RANBP17: variants seen among roughly 807,000 people sequenced by gnomAD.
The protein encoded by RANBP17 is ran-binding protein 17.
Under a neutral mutation model 141.2 loss-of-function variants are expected in RANBP17, and 158 were observed. The ratio of observed to expected loss-of-function variants is 1.12; its 90% CI spans 0.98 to 1.28. RANBP17 has a LOEUF of 1.28. RANBP17 is among the 50% of genes most tolerant of loss of function. The probability of loss-of-function intolerance (pLI) is 0.00; values close to 1 mark genes in which losing one functional copy is unlikely to be tolerated. For synonymous variants in RANBP17, 430 were observed against 450.0 expected (o/e 0.96, Z 0.56); for missense variants, 1,438 against 1,290.7 (o/e 1.11, Z -1.75).
intron 14 of RANBP17, among the ~76,000 whole-genome samples, chr5:171,121,441 G>T (rs965360132): frequency 1.3e-5 from 2 of 152,310 alleles, no homozygotes; most frequent in Middle Eastern, 6.8e-3. Context: ...CAGGGCCGTC[G>T]CGCAGGTCAG....
chr5:171,021,265 C>T (rs913336109), intron 14 of RANBP17, among the ~76,000 whole-genome samples: 1 of 152,118 alleles, frequency 6.6e-6, no homozygotes, highest in African/African-American at 2.4e-5. Context: ...CTGCTCTTCT[C>T]AAGGAGTGTG....
intron 14 of RANBP17, among the ~76,000 whole-genome samples, chr5:171,132,176 T>C (rs1309441960): frequency 2.9e-4 from 44 of 152,098 alleles, no homozygotes; most frequent in Admixed American, 2.9e-3. Context: ...GGAAAGACAC[T>C]TTTAATTGTC....
At chr5:171,051,866 A>C (rs1390326978) in intron 14 of RANBP17, among the ~76,000 whole-genome samples, 1 of 152,156 alleles carries the variant, frequency 6.6e-6, no homozygotes, top group Non-Finnish European at 1.5e-5. Flanking sequence ...AAAAGAGTTT[A>C]TCTTTCTCCA....
intron 14 of RANBP17, among the ~76,000 whole-genome samples, chr5:171,102,938 CA>C (rs1554098388): frequency 6.6e-6 from 1 of 152,174 alleles, no homozygotes; most frequent in Non-Finnish European, 1.5e-5. Context: ...GGCTACACAA[CA>C]GCAAAGATTG....
chr5:171,087,472 T>C (rs1581598972), intron 14 of RANBP17, among the ~76,000 whole-genome samples: 1 of 151,384 alleles, frequency 6.6e-6, no homozygotes, highest in East Asian at 2.0e-4. Context: ...TGTAGATGTC[T>C]ATTAGGTCTG....
intron 14 of RANBP17, among the ~76,000 whole-genome samples, chr5:171,029,949 G>A (rs1781453547): frequency 6.6e-6 from 1 of 151,990 alleles, no homozygotes; most frequent in Non-Finnish European, 1.5e-5. Flanking sequence ...GAAAAAAACA[G>A]AAGTAGTACT....
chr5:171,200,910 G>C (rs1397721970), intron 19 of RANBP17, among the ~76,000 whole-genome samples: 1 of 152,172 alleles, frequency 6.6e-6, no homozygotes, highest in African/African-American at 2.4e-5. Context: ...TGTGTTTATA[G>C]TCTTCCTGAA....
At chr5:171,010,364 C>G (rs1461550178) in intron 14 of RANBP17, among the ~76,000 whole-genome samples, 1 of 152,136 alleles carries the variant, frequency 6.6e-6, no homozygotes, top group Admixed American at 6.5e-5. Context: ...CAAAGCCAAA[C>G]TGAAATAGCT....
At chr5:171,210,663 A>G (rs1013227454) in intron 20 of RANBP17, among the ~76,000 whole-genome samples, 25 of 152,154 alleles carry the variant, frequency 1.6e-4, no homozygotes, top group Admixed American at 1.2e-3. Context: ...AAGCATCCCT[A>G]TTATATGTTG....
chr5:171,203,623 G>A (rs1762421768), intron 19 of RANBP17, among the ~76,000 whole-genome samples: 1 of 151,880 alleles, frequency 6.6e-6, no homozygotes, highest in East Asian at 1.9e-4. Flanking sequence ...ATAGATTTGA[G>A]TCCTATAGAC....
intron 18 of RANBP17, among the ~76,000 whole-genome samples, chr5:171,196,904 C>T (rs776871167): frequency 2.0e-5 from 3 of 152,016 alleles, no homozygotes; most frequent in Non-Finnish European, 2.9e-5. Context: ...ATCCTCCTAC[C>T]CCAGCTTCCA....
chr5:171,286,808 A>G (rs1210417327), intron 25 of RANBP17, among the ~76,000 whole-genome samples: 1 of 152,212 alleles, frequency 6.6e-6, no homozygotes, highest in African/African-American at 2.4e-5. Flanking sequence ...TTTCTCTTTC[A>G]GTAGCACTCA....
chr5:170,902,579 T>G (rs370411950), intron 5 of RANBP17, among the ~76,000 whole-genome samples: 9 of 152,332 alleles, frequency 5.9e-5, no homozygotes, highest in South Asian at 2.1e-4. Flanking sequence ...GGAGTTGTGA[T>G]CCTTTGGAGG....
intron 14 of RANBP17, among the ~76,000 whole-genome samples, chr5:171,089,815 G>A (rs1786082810): frequency 6.6e-6 from 1 of 152,202 alleles, no homozygotes; most frequent in South Asian, 2.1e-4. Context: ...CCCTGCTTAG[G>A]CTCGCGCACG....
At position 171,155,033 on chromosome 5, in the gene RANBP17, ACG is replaced by A. The variant is rs1398441558; in HGVS notation, c.1711-15095_1711-15094del. 7.6e-5 allele frequency among the ~76,000 whole-genome samples: 11 copies of A among 145,172 alleles called. No individual in the cohort carries two copies. In the East Asian group the frequency reaches 2.1e-3, roughly 27 times the overall value. ...GCAGAGGTTGCAGTGAGCTGAAATC[ACG>A]CCACTGCACTCCAGCCTGGGCGACA... On this transcript the variant is annotated intron_variant, in intron 14 of 27. Transcript: ENST00000523189.
At chr5:170,867,447 C>G (rs896344951) in intron 1 of RANBP17, among the ~76,000 whole-genome samples, 2 of 151,874 alleles carry the variant, frequency 1.3e-5, no homozygotes, top group African/African-American at 4.8e-5. Flanking sequence ...TAAATATTAT[C>G]TATTTTATTT....
intron 14 of RANBP17, among the ~76,000 whole-genome samples, chr5:171,089,299 G>C (rs1245339173): frequency 2.8e-5 from 3 of 105,624 alleles, no homozygotes; most frequent in Non-Finnish European, 4.4e-5. Context: ...ACCCACTTGA[G>C]GAGGCAGTCT....
intron 14 of RANBP17, among the ~76,000 whole-genome samples, chr5:171,161,232 G>A (rs1446019081): frequency 2.0e-5 from 3 of 152,148 alleles, no homozygotes; most frequent in Admixed American, 2.0e-4. Context: ...AATTTGAACA[G>A]GACTTCACCA....
At chr5:171,208,656 G>C (rs1263389633) in intron 20 of RANBP17, among the ~76,000 whole-genome samples, 1 of 152,184 alleles carries the variant, frequency 6.6e-6, no homozygotes, top group Non-Finnish European at 1.5e-5. Flanking sequence ...AAGATAACAA[G>C]ATACATAGAG....
Sources: allele counts gnomAD v4.1 joint callset (sites outside exome capture counted in the v4.1 genomes callset), GRCh38; gene constraint gnomAD v4.1.1; transcripts MANE v1.5; gene names NCBI Gene and HGNC (gene_info 2026-07-23, HGNC 2026-07-21).